The following SMAD2 variants were observed in gnomAD, a reference collection of about 807,000 sequenced individuals.
The protein encoded by SMAD2 is SMAD family member 2, also known as MAD homolog 2.
A neutral mutation model predicts 64.4 loss-of-function variants in SMAD2; 8 were observed. The ratio of observed to expected loss-of-function variants is 0.12; its 90% CI spans 0.07 to 0.22. The LOEUF is 0.22. Among genes scored for constraint, SMAD2 ranks in the 10% least tolerant of loss-of-function variants. SMAD2 has a pLI of 1.00. For missense variants in SMAD2, 289 were observed against 561.2 expected, an observed-to-expected ratio of 0.51 and a Z score of 4.90; for synonymous variants, 203 against 195.8, an observed-to-expected ratio of 1.04 and a Z score of -0.31.
intron 2 of SMAD2, among the ~76,000 whole-genome samples, chr18:47,886,577 CT>C (rs1568083997): frequency 2.3e-4 from 30 of 130,522 alleles, no homozygotes; most frequent in Admixed American, 1.7e-3. Context: ...ATCCATCTAT[CT>C]ATCTATCTAT....
intron 1 of SMAD2, among the ~76,000 whole-genome samples, chr18:47,912,943 G>A (rs2034197687): frequency 6.7e-6 from 1 of 149,558 alleles, no homozygotes; most frequent in African/African-American, 2.5e-5. Flanking sequence ...TTTTTTTGAG[G>A]AGTTTCACTC....
At chr18:47,855,575 T>G (rs1309599385) in intron 6 of SMAD2, among the ~76,000 whole-genome samples, 2 of 152,180 alleles carry the variant, frequency 1.3e-5, no homozygotes, top group Admixed American at 6.5e-5. Flanking sequence ...TTCTCCTTCA[T>G]TTCTGAAGGA....
At chr18:47,844,741 T>C (rs973032843) in intron 10 of SMAD2, among the ~76,000 whole-genome samples, 8 of 152,178 alleles carry the variant, frequency 5.3e-5, no homozygotes, top group African/African-American at 1.9e-4. Flanking sequence ...ATTTCAACCT[T>C]ACAAAGAATG....
At chr18:47,910,300 T>C (rs1463209516) in intron 1 of SMAD2, among the ~76,000 whole-genome samples, 1 of 152,042 alleles carries the variant, frequency 6.6e-6, no homozygotes, top group South Asian at 2.1e-4. Flanking sequence ...TCAGTGCTTC[T>C]AAACTAGCTC....
chr18:47,861,377 T>C (rs1453586699), intron 6 of SMAD2, among the ~76,000 whole-genome samples: 1 of 152,014 alleles, frequency 6.6e-6, no homozygotes, highest in Non-Finnish European at 1.5e-5. Flanking sequence ...GACATGGCTG[T>C]GTATGCAGAA....
chr18:47,881,166 T>C (rs2032566199), intron 2 of SMAD2, among the ~76,000 whole-genome samples: 1 of 152,206 alleles, frequency 6.6e-6, no homozygotes, highest in Admixed American at 6.5e-5. Context: ...TCTCCAGTAC[T>C]TCATGTTATT....
chr18:47,860,497 G>C (rs547114605), intron 6 of SMAD2, among the ~76,000 whole-genome samples: 1 of 151,708 alleles, frequency 6.6e-6, no homozygotes, highest in Non-Finnish European at 1.5e-5. Context: ...TGCCTAGGTT[G>C]GTCTTGACCT....
In SMAD2 at chr18:47,814,153, TATTAAAGATTCC is replaced by T. The variant is rs891614551; in HGVS notation, c.*27662_*27673del. On this transcript the variant is annotated 3_prime_UTR_variant, in exon 11 of 11. Coordinates refer to ENST00000262160, the MANE Select transcript of SMAD2 (RefSeq NM_005901.6). ...CTCTATTGGGTCAAGACTTTGACAA[TATTAAAGATTCC>T]ATTTTCTTCATATATGCCCCCCTGC... 1.3e-5 allele frequency: 2 copies of T among 152,114 alleles called. No homozygotes were observed. The highest frequency in any genetic ancestry group is 1.5e-5 in the Non-Finnish European group (1 of 68,018). 9.4% of individuals were successfully genotyped at this position (152,114 alleles called of 1,614,324 possible).
intron 6 of SMAD2, among the ~76,000 whole-genome samples, chr18:47,855,443 T>G (rs1598775235): frequency 6.6e-6 from 1 of 152,172 alleles, no homozygotes; most frequent in Non-Finnish European, 1.5e-5. Context: ...CCAAACTGTC[T>G]TCCAAAGTGG....
chr18:47,890,283 T>C (rs886969904), intron 2 of SMAD2, among the ~76,000 whole-genome samples: 1 of 152,228 alleles, frequency 6.6e-6, no homozygotes, highest in Non-Finnish European at 1.5e-5. Context: ...CTATTCCCCA[T>C]AACCTCAAAG....
rs554719284 is a variant in SMAD2, at chr18:47,906,333, G to T, written c.-53-9524C>A. Among the ~76,000 whole-genome samples the T allele has an allele frequency of 2.7e-4, 41 of 152,042 alleles. No individual in the cohort carries two copies. In the South Asian group the frequency reaches 8.3e-3, roughly 31 times the overall value. On this transcript the variant is annotated intron_variant, in intron 1 of 10. Transcript: ENST00000262160. The stretch of plus-strand genomic sequence containing the variant: ...TCGGGTCCCAAGCATTTTGGATAAG[G>T]GATACTCAAATCTGTGTATGTAACA...
At position 47,828,573 on chromosome 18, in the gene SMAD2, T is replaced by G. The variant is rs1392823347; in HGVS notation, c.*13254A>C. On this transcript the variant is annotated 3_prime_UTR_variant, in exon 11 of 11. Coordinates refer to ENST00000262160, the MANE Select transcript of SMAD2 (RefSeq NM_005901.6). Reference sequence around the variant, plus strand: ...AAGAAGTAGACATAGGAGACTCCATTTTGTTCTGTACTAGGAAAAATTCTT... The same window carrying G: ...AAGAAGTAGACATAGGAGACTCCATGTTGTTCTGTACTAGGAAAAATTCTT... The G allele has an allele frequency of 6.0e-6, 1 of 165,644 alleles. No homozygotes were observed. The highest frequency in any genetic ancestry group is 2.4e-5 in the African/African-American group (1 of 41,572). The allele number at this position is 165,644 out of a possible 1,614,324, so 10.3% of individuals were successfully genotyped here.
chr18:47,910,223 T>C (rs147615950), intron 1 of SMAD2, among the ~76,000 whole-genome samples: 107 of 150,154 alleles, frequency 7.1e-4, no homozygotes, highest in African/African-American at 2.5e-3. Flanking sequence ...TGGATCTTTT[T>C]AGAGAAATTC....
At chr18:47,930,778 C>T (rs1350716638), upstream of SMAD2, 1 of 147,068 alleles carries the variant, frequency 6.8e-6, no homozygotes, top group Non-Finnish European at 1.5e-5. Flanking sequence ...GGCCGCCGGC[C>T]GCCGCGGCGC....
In SMAD2 at chr18:47,830,544, C is replaced by G. The variant is rs906646230; in HGVS notation, c.*11283G>C. ...TGAGCCGAGATCGCCCCACTGCACCCCAGCCTGGGCAACAGAGCAAGACTC... is the reference window on the plus strand; with the variant it reads ...TGAGCCGAGATCGCCCCACTGCACCGCAGCCTGGGCAACAGAGCAAGACTC... On this transcript the variant is annotated 3_prime_UTR_variant, in exon 11 of 11. Transcript: ENST00000262160. The G allele has an allele frequency of 3.4e-5, 5 of 148,176 alleles. No homozygotes were observed. The highest frequency in any genetic ancestry group is 1.3e-4 in the African/African-American group (5 of 39,462). 9.2% of individuals were successfully genotyped at this position (148,176 alleles called of 1,614,324 possible).
chr18:47,852,267 G>A (rs2030182783), intron 6 of SMAD2, among the ~76,000 whole-genome samples: 1 of 152,124 alleles, frequency 6.6e-6, no homozygotes, highest in African/African-American at 2.4e-5. Flanking sequence ...TTTTGATCAT[G>A]TAGCACTAAA....
chr18:47,902,283 C>T (rs2033715252), intron 1 of SMAD2, among the ~76,000 whole-genome samples: 1 of 152,060 alleles, frequency 6.6e-6, no homozygotes, highest in Non-Finnish European at 1.5e-5. Context: ...ATTTTTACAC[C>T]CATTGTTCTC....
At chr18:47,894,203 T>A (rs554506624) in intron 2 of SMAD2, among the ~76,000 whole-genome samples, 1 of 152,200 alleles carries the variant, frequency 6.6e-6, no homozygotes, top group African/African-American at 2.4e-5. Context: ...TTGAGCCTTG[T>A]TGAAGTTGTG....
At chr18:47,881,535 C>T (rs892690747) in intron 2 of SMAD2, among the ~76,000 whole-genome samples, 2 of 152,166 alleles carry the variant, frequency 1.3e-5, no homozygotes, top group African/African-American at 4.8e-5. Context: ...ATGTCATCTA[C>T]AAACAGAATT....
Sources: gnomAD v4.1 joint callset for allele counts (sites outside exome capture counted in the v4.1 genomes callset) on GRCh38, gnomAD v4.1.1 for gene constraint, MANE v1.5 for transcripts, NCBI Gene and HGNC (gene_info 2026-07-23, HGNC 2026-07-21) for gene names.